The following PCLO variants were observed in gnomAD, a reference collection of about 807,000 sequenced individuals.
PCLO encodes piccolo presynaptic cytomatrix protein, also known as protein piccolo.
In PCLO, 82 loss-of-function variants were observed where a neutral mutation model predicts 427.5. The ratio of observed to expected loss-of-function variants is 0.19; its 90% CI spans 0.16 to 0.23. The LOEUF is 0.23. Among genes scored for constraint, PCLO ranks in the 10% least tolerant of loss-of-function variants. The pLI, the probability that PCLO is intolerant of heterozygous loss-of-function variation, is 1.00. For synonymous variants in PCLO, 2,357 were observed against 2,155.4 expected, an observed-to-expected ratio of 1.09 and a Z score of -2.59; for missense variants, 6,239 against 6,115.9, an observed-to-expected ratio of 1.02 and a Z score of -0.67.
In PCLO at chr7:82,966,250, G is replaced by A. The variant is rs745527818; in HGVS notation, c.3538C>T (p.Leu1180=). Residue 1180 remains leucine, a synonymous_variant, in exon 4 of 25, where the codon CTA becomes TTA. Transcript: ENST00000333891. The stretch of plus-strand genomic sequence containing the variant: ...ATAGGAGGAATTTTTTCCATTGATA[G>A]TGTTTCCTTTACTTTTTCCAGAATG... ...KVILEKVKET[L]SMEKIPPMVT... 3 of 1,611,040 alleles carry A rather than the reference G, an allele frequency of 1.9e-6. No homozygotes were observed. The highest frequency in any genetic ancestry group is 2.5e-6 in the Non-Finnish European group (3 of 1,179,264).
At chr7:82,764,562 T>A (rs557258430) in intron 22 of PCLO, among the ~76,000 whole-genome samples, 15 of 152,032 alleles carry the variant, frequency 9.9e-5, no homozygotes, top group African/African-American at 3.4e-4. Context: ...ACAACTAAAA[T>A]CTGGTTTTAT....
At chr7:82,861,844 C>T (rs9986905) in intron 10 of PCLO, among the ~76,000 whole-genome samples, 127,204 of 151,970 alleles carry the variant, frequency 0.84, 53,688 homozygotes, top group African/African-American at 0.9. Context: ...TTCAAATATA[C>T]AGAAATTAAA....
chr7:82,941,244 G>A (rs1201918737), intron 6 of PCLO, among the ~76,000 whole-genome samples: 2 of 151,978 alleles, frequency 1.3e-5, no homozygotes, highest in African/African-American at 2.4e-5. Context: ...CCTTCTTTAT[G>A]TAATTTTAAA....
chr7:82,836,679 T>C (rs2115749010), intron 15 of PCLO, among the ~76,000 whole-genome samples: 1 of 152,262 alleles, frequency 6.6e-6, no homozygotes, highest in East Asian at 1.9e-4. Flanking sequence ...AATTATTTTC[T>C]GAGTATTATC....
At position 82,953,279 on chromosome 7, in the gene PCLO, G is replaced by C. The variant is rs373399399; in HGVS notation, c.7674C>G (p.Thr2558=). Residue 2558 remains threonine (T), a synonymous_variant, in exon 5 of 25, where the codon ACC becomes ACG. Coordinates refer to ENST00000333891, the MANE Select transcript of PCLO (RefSeq NM_033026.6). The stretch of plus-strand genomic sequence containing the variant: ...TGTTGGAGTGTGGGGAAAGTGGGGA[G>C]GTAGGGGAAGGCAATTTATAATCTG... ...TSADYKLPSP[T]SPLSPHSNKS... 1.2e-6 allele frequency: 2 copies of C among 1,613,684 alleles called. No individual in the cohort carries two copies. Among genetic ancestry groups the C allele is most frequent in the African/African-American group, 2.7e-5 (2 of 74,870 alleles).
chr7:83,082,776 A>C (rs553977669), intron 3 of PCLO, among the ~76,000 whole-genome samples: 6 of 151,876 alleles, frequency 4.0e-5, no homozygotes, highest in Non-Finnish European at 7.4e-5. Flanking sequence ...ATGTATAATT[A>C]TTATGTACTC....
chr7:82,815,058 GATTC>G (rs1791649449), intron 20 of PCLO, among the ~76,000 whole-genome samples: 1 of 151,572 alleles, frequency 6.6e-6, no homozygotes, highest in Non-Finnish European at 1.5e-5. Flanking sequence ...TTCTTGAAGA[GATTC>G]ATTATTGATA....
intron 22 of PCLO, among the ~76,000 whole-genome samples, chr7:82,783,486 G>C (rs941977637): frequency 3.3e-5 from 5 of 152,074 alleles, no homozygotes; most frequent in African/African-American, 1.2e-4. Flanking sequence ...GCCGGGCATG[G>C]TGGCGGGCTC....
chr7:82,830,240 T>C (rs1203235915), intron 16 of PCLO, among the ~76,000 whole-genome samples: 1 of 151,924 alleles, frequency 6.6e-6, no homozygotes, highest in East Asian at 1.9e-4. Flanking sequence ...GTTAGGGTAT[T>C]TTCTATAATT....
intron 10 of PCLO, among the ~76,000 whole-genome samples, chr7:82,868,405 T>C (rs1336562965): frequency 1.3e-5 from 2 of 152,192 alleles, no homozygotes; most frequent in African/African-American, 2.4e-5. Context: ...ATTTCATCCT[T>C]ACTTCAATCC....
intron 3 of PCLO, among the ~76,000 whole-genome samples, chr7:83,026,041 A>G (rs1477457022): frequency 6.6e-6 from 1 of 152,138 alleles, no homozygotes; most frequent in Non-Finnish European, 1.5e-5. Context: ...AAGAAACTGC[A>G]TCAACTAACG....
intron 3 of PCLO, among the ~76,000 whole-genome samples, chr7:83,108,855 G>A (rs375203102): frequency 1.3e-5 from 2 of 152,098 alleles, no homozygotes. Context: ...TAATCACAGT[G>A]ATGTATACAA....
chr7:82,792,373 C>A (rs1791119772), intron 22 of PCLO, among the ~76,000 whole-genome samples: 1 of 150,604 alleles, frequency 6.6e-6, no homozygotes, highest in Admixed American at 6.6e-5. Flanking sequence ...GTCATCCAGG[C>A]TGGGGTGCAG....
chr7:82,829,735 T>C (rs938539324), intron 16 of PCLO, among the ~76,000 whole-genome samples: 2 of 152,178 alleles, frequency 1.3e-5, no homozygotes, highest in African/African-American at 4.8e-5. Flanking sequence ...ATTCAATTTC[T>C]ACTAATTCCA....
intron 23 of PCLO, among the ~76,000 whole-genome samples, 162 bp downstream of exon 23, chr7:82,761,197 A>T (rs1790425917): frequency 6.6e-6 from 1 of 151,940 alleles, no homozygotes; most frequent in Non-Finnish European, 1.5e-5. Context: ...TAAAATATCT[A>T]GCTAAAAACT....
chr7:82,929,078 A>G (rs1794781995), intron 6 of PCLO, among the ~76,000 whole-genome samples: 1 of 152,290 alleles, frequency 6.6e-6, no homozygotes, highest in East Asian at 1.9e-4. Context: ...AGTAAGAAAC[A>G]GTCTAAGGGT....
intron 6 of PCLO, among the ~76,000 whole-genome samples, chr7:82,917,323 T>C (rs757047575): frequency 2.6e-5 from 4 of 152,064 alleles, no homozygotes; most frequent in Admixed American, 6.6e-5. Flanking sequence ...CTTTTTTTTC[T>C]AAAAAAGGAA....
At chr7:82,906,034 G>A (rs1443196980) in intron 8 of PCLO, among the ~76,000 whole-genome samples, 2 of 151,630 alleles carry the variant, frequency 1.3e-5, no homozygotes, top group African/African-American at 4.8e-5. Context: ...TAGATAGATA[G>A]ATAGATAGAT....
At chr7:82,873,995 T>C (rs13242931) in intron 10 of PCLO, among the ~76,000 whole-genome samples, 2 of 152,216 alleles carry the variant, frequency 1.3e-5, no homozygotes, top group African/African-American at 4.8e-5. Context: ...TTGCATTTTG[T>C]ATACTATTTT....
Sources: allele counts gnomAD v4.1 joint callset (sites outside exome capture counted in the v4.1 genomes callset), GRCh38; gene constraint gnomAD v4.1.1; transcripts MANE v1.5; gene names NCBI Gene and HGNC (gene_info 2026-07-23, HGNC 2026-07-21).